DNAH12: variants seen among roughly 807,000 people sequenced by gnomAD.
DNAH12 encodes the protein axonemal beta dynein heavy chain 12.
Under a neutral mutation model 371.5 loss-of-function variants are expected in DNAH12, and 285 were observed. That is an observed-to-expected ratio of 0.77 (90% confidence interval 0.70 to 0.85). The LOEUF is 0.85. Among genes scored for constraint, DNAH12 ranks in the 40% least tolerant of loss-of-function variants. The pLI, the probability that DNAH12 is intolerant of heterozygous loss-of-function variation, is 0.00. For missense variants in DNAH12, 3,611 were observed against 3,689.4 expected, an observed-to-expected ratio of 0.98 and a Z score of 0.55; for synonymous variants, 1,200 against 1,213.0, an observed-to-expected ratio of 0.99 and a Z score of 0.22.
At chr3:57,316,035 T>C (rs1230745640) in intron 65 of DNAH12, among the ~76,000 whole-genome samples, 3 of 152,192 alleles carry the variant, frequency 2.0e-5, no homozygotes, top group Non-Finnish European at 4.4e-5. Context: ...TCAGAGTAGT[T>C]TGCCACAGTC....
chr3:57,404,416 C>G (rs2063961939), intron 42 of DNAH12, among the ~76,000 whole-genome samples: 1 of 152,064 alleles, frequency 6.6e-6, no homozygotes, highest in Non-Finnish European at 1.5e-5. Context: ...AGTAAAAGTT[C>G]TAAGAAACAA....
the DNAH12 span, among the ~76,000 whole-genome samples, chr3:57,554,977 G>T: frequency 6.6e-6 from 1 of 152,258 alleles, no homozygotes; most frequent in Middle Eastern, 3.4e-3. Flanking sequence ...CAGGGGAGGT[G>T]GTTTTCACTT....
chr3:57,486,619 C>A (rs2066931118), intron 12 of DNAH12, among the ~76,000 whole-genome samples: 2 of 151,998 alleles, frequency 1.3e-5, no homozygotes, highest in Non-Finnish European at 2.9e-5. Flanking sequence ...AAGGAAAATT[C>A]TAAATATAGC....
At chr3:57,308,051 T>G (rs1398548023) in intron 69 of DNAH12, among the ~76,000 whole-genome samples, 5 of 152,172 alleles carry the variant, frequency 3.3e-5, no homozygotes, top group Non-Finnish European at 7.3e-5. Flanking sequence ...GCCCCCTCCC[T>G]TCCCTACACA....
intron 13 of DNAH12, among the ~76,000 whole-genome samples, chr3:57,479,860 C>G (rs1232586787): frequency 6.6e-6 from 1 of 152,132 alleles, no homozygotes; most frequent in Non-Finnish European, 1.5e-5. Context: ...TAAAGATGTT[C>G]TTTGAAACCA....
chr3:57,549,814 G>C, the DNAH12 span, among the ~76,000 whole-genome samples: 1 of 151,758 alleles, frequency 6.6e-6, no homozygotes, highest in Admixed American at 6.6e-5. Flanking sequence ...GGTAGAGACA[G>C]GGTTTTGCCA....
intron 50 of DNAH12, among the ~76,000 whole-genome samples, chr3:57,381,875 A>T (rs961330030): frequency 0.33 from 49,279 of 148,514 alleles, 8,185 homozygotes; most frequent in East Asian, 0.51. Flanking sequence ...ATATATATAT[A>T]TTTTTTTTTT....
rs772439553 is a variant in DNAH12, at chr3:57,504,043, C to T, written c.1059G>A (p.Leu353=). ...FQDLEDNVLS[L]VERIAEALQN... ...GCAGAGCTTCGGCTATTCGTTCCAC[C>T]AAACTCAAGACATTATCTTCCAAAT... Residue 353 remains leucine (L), a synonymous_variant, in exon 9 of 74, where the codon TTG becomes TTA. Transcript: ENST00000495027. 6.2e-6 allele frequency: 10 copies of T among 1,613,074 alleles called. No homozygotes were observed. The highest frequency in any genetic ancestry group is 1.3e-5 in the African/African-American group (1 of 74,896).
At chr3:57,420,168 T>C (rs546848155) in intron 36 of DNAH12, among the ~76,000 whole-genome samples, 1 of 152,174 alleles carries the variant, frequency 6.6e-6, no homozygotes, top group African/African-American at 2.4e-5. Flanking sequence ...CTGACACCCC[T>C]GAGTGCCTCC....
At chr3:57,495,850 ATT>A (rs574066710) in intron 11 of DNAH12, among the ~76,000 whole-genome samples, 1,830 of 143,104 alleles carry the variant, frequency 0.013, 89 homozygotes, top group African/African-American at 0.043. Flanking sequence ...TAAACAATGT[ATT>A]TATATATTTT....
At chr3:57,435,724 A>C (rs1479004292) in intron 30 of DNAH12, among the ~76,000 whole-genome samples, 1 of 152,260 alleles carries the variant, frequency 6.6e-6, no homozygotes, top group Non-Finnish European at 1.5e-5. Context: ...CAGGAAGCTC[A>C]GGAGGGAGGA....
At chr3:57,510,620 A>G (rs1280957111) in intron 5 of DNAH12, among the ~76,000 whole-genome samples, 170 bp downstream of exon 5, 2 of 152,214 alleles carry the variant, frequency 1.3e-5, no homozygotes, top group African/African-American at 2.4e-5. Context: ...AGCCTGGGCG[A>G]CAGAGATCAT....
At chr3:57,311,125 G>C (rs547625241) in intron 66 of DNAH12, among the ~76,000 whole-genome samples, 175 bp from the exon 67 acceptor site, 1 of 152,214 alleles carries the variant, frequency 6.6e-6, no homozygotes, top group Non-Finnish European at 1.5e-5. Context: ...GCCCAGGCTG[G>C]AGTGCAGAGG....
At chr3:57,532,180 G>C (rs1008910855) in intron 2 of DNAH12, among the ~76,000 whole-genome samples, 8 of 151,984 alleles carry the variant, frequency 5.3e-5, no homozygotes, top group Non-Finnish European at 7.4e-5. Flanking sequence ...CAGAATTTCT[G>C]CTTGATTTTT....
chr3:57,439,144 G>A (rs891986688), intron 29 of DNAH12, among the ~76,000 whole-genome samples: 2 of 151,924 alleles, frequency 1.3e-5, no homozygotes, highest in African/African-American at 4.8e-5. Flanking sequence ...TGCAATCTAC[G>A]GATTCAATGC....
At chr3:57,312,880 C>T (rs1448926932) in intron 66 of DNAH12, among the ~76,000 whole-genome samples, 1 of 152,006 alleles carries the variant, frequency 6.6e-6, no homozygotes, top group Non-Finnish European at 1.5e-5. Context: ...TTTAAAGACT[C>T]GATAAAATAT....
At chr3:57,311,166 C>G (rs2107679756) in intron 66 of DNAH12, among the ~76,000 whole-genome samples, 1 of 152,304 alleles carries the variant, frequency 6.6e-6, no homozygotes, top group South Asian at 2.1e-4. Context: ...ACCTCCGCCT[C>G]CCAGGTTCAA....
chr3:57,355,794 AGAG>A (rs1264123717), intron 59 of DNAH12, among the ~76,000 whole-genome samples: 133 of 152,340 alleles, frequency 8.7e-4, no homozygotes, highest in Non-Finnish European at 1.7e-3. Context: ...ATCACTCAGC[AGAG>A]GTTATTCTAC....
chr3:57,333,246 C>T (rs139147117), intron 62 of DNAH12, among the ~76,000 whole-genome samples: 1 of 151,146 alleles, frequency 6.6e-6, no homozygotes, highest in African/African-American at 2.4e-5. Flanking sequence ...CCTGACCTAG[C>T]GATCCACCCA....
Sources: allele counts gnomAD v4.1 joint callset (sites outside exome capture counted in the v4.1 genomes callset), GRCh38; gene constraint gnomAD v4.1.1; transcripts MANE v1.5; gene names NCBI Gene and HGNC (gene_info 2026-07-23, HGNC 2026-07-21).